The following TMEM223 variants were observed in gnomAD, a reference collection of about 807,000 sequenced individuals.
The protein encoded by TMEM223 is transmembrane protein 223.
A neutral mutation model predicts 14.1 loss-of-function variants in TMEM223; 14 were observed. The observed-to-expected ratio is 0.99, with a 90% CI of 0.66 to 1.55. The LOEUF (loss-of-function observed/expected upper bound fraction) is 1.55. TMEM223 is among the 40% of genes most tolerant of loss of function. The pLI is 0.00. For synonymous variants in TMEM223, 145 were observed against 120.5 expected (o/e 1.20, Z -1.33); for missense variants, 346 against 269.9 (o/e 1.28, Z -1.97).
chr11:62,790,430 C>T lies in TMEM223; in HGVS notation c.*193G>A. 3 of 587,150 alleles carry T rather than the reference C, an allele frequency of 5.1e-6. No individual in the cohort carries two copies. Among genetic ancestry groups the T allele is most frequent in the East Asian group, 3.0e-5 (1 of 33,246 alleles). 36.4% of individuals were successfully genotyped at this position (587,150 alleles called of 1,614,324 possible). A position where few individuals can be genotyped will look rare whatever the true frequency, so the allele number is the denominator to read the frequency against. Reference sequence around the variant, plus strand: ...GGTTGTTACTCCATTCTAAGATTGGCGTTTTTTTTTGTTTTTTTTTTTGTA... The same window carrying T: ...GGTTGTTACTCCATTCTAAGATTGGTGTTTTTTTTTGTTTTTTTTTTTGTA... On this transcript the variant is annotated 3_prime_UTR_variant, in exon 2 of 2. Transcript: ENST00000307366.
downstream of TMEM223, chr11:62,789,327 C>T (rs1239620437): frequency 6.2e-7 from 1 of 1,613,948 alleles, no homozygotes; most frequent in East Asian, 2.2e-5. Flanking sequence ...CTGGCCATCT[C>T]AGCTATAGCC....
chr11:62,787,259 G>A, downstream of TMEM223: 2 of 1,565,880 alleles, frequency 1.3e-6, no homozygotes, highest in Non-Finnish European at 1.7e-6. Context: ...GCCCGCCGGT[G>A]GGCGCTCTCG....
chr11:62,776,404 G>A (rs1435289055), intron 1 of TMEM223: 13 of 1,613,538 alleles, frequency 8.1e-6, no homozygotes, highest in Admixed American at 1.7e-5. Flanking sequence ...AGTTCATGAA[G>A]CACACCAAAC....
intron 1 of TMEM223, among the ~76,000 whole-genome samples, chr11:62,779,318 C>T (rs934330047): frequency 1.3e-5 from 2 of 152,114 alleles, no homozygotes; most frequent in South Asian, 4.1e-4. Context: ...CCTTAGCCTC[C>T]CGAGTAGCTG....
intron 1 of TMEM223, chr11:62,775,793 CGAG>C: frequency 6.2e-7 from 1 of 1,608,302 alleles, no homozygotes; most frequent in African/African-American, 1.3e-5. Flanking sequence ...CATGTCAGAG[CGAG>C]AAGAGCGGCG....
rs746437368 is a variant in TMEM223 at position 62,790,875 on chromosome 11, C to T, written c.357G>A (p.Arg119=). 5.0e-6 allele frequency: 8 copies of T among 1,601,854 alleles called. No individual in the cohort carries two copies. In the African/African-American group the frequency reaches 1.1e-4, roughly 21 times the overall value. ...VLGAGLLFSL[R]SVRSVVLRAG... ...CTCGAAGCACCACTGAGCGCACAGA[C>T]CGGAGAGAGAAGAGAAGACCAGCAC... is the stretch of plus-strand genomic sequence containing the variant. Residue 119 remains arginine, a synonymous_variant, in exon 2 of 2, where the codon CGG becomes CGA. Transcript: ENST00000307366.
intron 1 of TMEM223, among the ~76,000 whole-genome samples, chr11:62,775,330 G>A (rs76542543): frequency 0.011 from 1,616 of 152,272 alleles, 14 homozygotes; most frequent in Non-Finnish European, 0.017. Flanking sequence ...ACCTGGTCCC[G>A]CTCTTGACAC....
intron 1 of TMEM223, chr11:62,776,080 C>T (rs1005649630): frequency 3.5e-6 from 4 of 1,128,806 alleles, no homozygotes; most frequent in African/African-American, 1.6e-5. Context: ...CTACTTGTAG[C>T]TGTCTGGGCT....
At chr11:62,787,494 G>A, downstream of TMEM223, 2 of 1,578,904 alleles carry the variant, frequency 1.3e-6, no homozygotes, top group Non-Finnish European at 8.5e-7. Context: ...TCCTGTGCGG[G>A]GCCGTGGCGG....
downstream of TMEM223, among the ~76,000 whole-genome samples, chr11:62,783,705 G>A (rs1012009300): frequency 4.0e-5 from 6 of 151,448 alleles, no homozygotes; most frequent in Non-Finnish European, 7.4e-5. Context: ...CACCTAACTT[G>A]TATTTTTAGT....
chr11:62,776,062 A>T, intron 1 of TMEM223: 1 of 1,206,488 alleles, frequency 8.3e-7, no homozygotes, highest in Non-Finnish European at 1.1e-6. Context: ...CCATGCCTTT[A>T]CAGAACTCTA....
chr11:62,788,196 A>C (rs1021812532), downstream of TMEM223, among the ~76,000 whole-genome samples: 1 of 151,960 alleles, frequency 6.6e-6, no homozygotes, highest in African/African-American at 2.4e-5. Context: ...TGAGGTCAGG[A>C]GTTCGAGACC....
intron 2 of TMEM223, among the ~76,000 whole-genome samples, chr11:62,773,724 A>G (rs1306393775): frequency 2.0e-5 from 3 of 152,190 alleles, no homozygotes; most frequent in African/African-American, 7.2e-5. Flanking sequence ...CTGGGATTAG[A>G]GGCGTGAGCC....
chr11:62,775,694 G>T, intron 1 of TMEM223: 1 of 1,456,566 alleles, frequency 6.9e-7, no homozygotes, highest in Non-Finnish European at 9.2e-7. Context: ...CAAGGCTGGT[G>T]TGGAGGGTGT....
chr11:62,789,229 G>C, downstream of TMEM223: 1 of 1,613,922 alleles, frequency 6.2e-7, no homozygotes, highest in Admixed American at 1.7e-5. Flanking sequence ...CTAACCCTGA[G>C]GGCCAGGGGC....
chr11:62,791,904 G>A lies in TMEM223; in HGVS notation c.91C>T (p.Gln31Ter), dbSNP rs749077066. The change falls in exon 1 of 2, where the codon CAA becomes TAA. Residue 31 changes from glutamine to a stop codon, truncating the protein, a stop_gained. Coordinates refer to ENST00000307366, the MANE Select transcript of TMEM223 (RefSeq NM_001080501.3). LOFTEE classifies it high-confidence loss of function. Reference sequence around the variant, plus strand: ...TGCTCAAAGAGCAGCACATCCCGTTGCAGCGTCGTGCCTTGCAGGGGCCGG... The same window carrying A: ...TGCTCAAAGAGCAGCACATCCCGTTACAGCGTCGTGCCTTGCAGGGGCCGG... Reference protein sequence around the residue: ...TCRPLQGTTLQRDVLLFEHDR... With the variant: ...TCRPLQGTTL 1.3e-5 allele frequency: 21 copies of A among 1,600,780 alleles called. 1 individual carries two copies. In the South Asian group the frequency reaches 2.4e-4, roughly 18 times the overall value.
At chr11:62,783,219 A>T (rs2084243326), downstream of TMEM223, among the ~76,000 whole-genome samples, 1 of 152,200 alleles carries the variant, frequency 6.6e-6, no homozygotes, top group Non-Finnish European at 1.5e-5. Flanking sequence ...GCAGTGGCTC[A>T]CGCCTGTAAT....
chr11:62,785,560 A>T (rs2084266014), downstream of TMEM223, among the ~76,000 whole-genome samples: 1 of 142,768 alleles, frequency 7.0e-6, no homozygotes, highest in Admixed American at 7.3e-5. Flanking sequence ...TTTGAGACGG[A>T]GTCTCACTTT....
chr11:62,773,704 T>A (rs989810072), intron 2 of TMEM223, among the ~76,000 whole-genome samples: 1 of 152,162 alleles, frequency 6.6e-6, no homozygotes, highest in African/African-American at 2.4e-5. Context: ...CGCCTTGGCC[T>A]CCGAAAGTGC....
Sources: allele counts gnomAD v4.1 joint callset (sites outside exome capture counted in the v4.1 genomes callset), GRCh38; gene constraint gnomAD v4.1.1; transcripts MANE v1.5; gene names NCBI Gene and HGNC (gene_info 2026-07-23, HGNC 2026-07-21).